GPHN: variants seen among roughly 807,000 people sequenced by gnomAD.
GPHN encodes gephyrin.
In GPHN, 17 loss-of-function variants were observed where a neutral mutation model predicts 95.5. The observed-to-expected ratio is 0.18, with a 90% confidence interval of 0.12 to 0.27. GPHN has a LOEUF of 0.27. Ranked by LOEUF, GPHN falls within the 10% of genes least tolerant of loss-of-function variation. GPHN has a pLI of 1.00. For synonymous variants in GPHN, 320 were observed against 322.5 expected, an observed-to-expected ratio of 0.99 and a Z score of 0.08; for missense variants, 660 against 978.1, an observed-to-expected ratio of 0.67 and a Z score of 4.34.
chr14:67,122,476 A>C, intron 17 of GPHN, 99 bp downstream of exon 17: 2 of 1,025,114 alleles, frequency 2.0e-6, no homozygotes, highest in Non-Finnish European at 3.0e-6. Context: ...CAGAAATTTA[A>C]TGTCATAATT....
intron 9 of GPHN, among the ~76,000 whole-genome samples, chr14:66,973,792 C>T (rs1326496467): frequency 6.6e-6 from 1 of 152,004 alleles, no homozygotes. Context: ...AAAGAAATAA[C>T]CTGGTTGTTG....
intron 12 of GPHN, 39 bp downstream of exon 12, chr14:67,089,114 T>C (rs1180224407): frequency 2.6e-6 from 2 of 764,228 alleles, no homozygotes; most frequent in Non-Finnish European, 4.3e-6. Context: ...TCAGGCACTG[T>C]ATTTTTTTTT....
At chr14:66,731,953 G>C (rs562826938) in intron 2 of GPHN, among the ~76,000 whole-genome samples, 50 of 152,334 alleles carry the variant, frequency 3.3e-4, no homozygotes, top group African/African-American at 1.1e-3. Context: ...GAGGGTGCAA[G>C]CCCCAAGCCT....
the GPHN span, among the ~76,000 whole-genome samples, chr14:67,702,687 A>G: frequency 8.5e-5 from 13 of 152,370 alleles, no homozygotes; most frequent in African/African-American, 2.4e-4. Context: ...TTACTAATTT[A>G]TGAGTGCTCA....
chr14:66,901,971 T>C (rs1175827322), intron 5 of GPHN, among the ~76,000 whole-genome samples: 2 of 152,154 alleles, frequency 1.3e-5, no homozygotes, highest in South Asian at 2.1e-4. Flanking sequence ...TTGGGTACTA[T>C]GGTCATTTTA....
At chr14:66,801,934 T>G (rs2060369488) in intron 3 of GPHN, among the ~76,000 whole-genome samples, 1 of 152,086 alleles carries the variant, frequency 6.6e-6, no homozygotes, top group Non-Finnish European at 1.5e-5. Context: ...CAACACTGGG[T>G]CTTGCTCAAG....
the GPHN span, among the ~76,000 whole-genome samples, chr14:67,480,260 C>T: frequency 6.6e-6 from 1 of 152,096 alleles, no homozygotes; most frequent in Non-Finnish European, 1.5e-5. Context: ...CCCTTCCTGT[C>T]AAGCAGGTTA....
the GPHN span, among the ~76,000 whole-genome samples, chr14:67,442,192 C>G: frequency 6.6e-6 from 1 of 152,040 alleles, no homozygotes; most frequent in Non-Finnish European, 1.5e-5. Context: ...AGTGCCTAAG[C>G]GCCATGAAAG....
At chr14:67,648,266 T>C in the GPHN span, 1 of 1,459,926 alleles carries the variant, frequency 6.8e-7, no homozygotes, top group Non-Finnish European at 9.3e-7. Context: ...TCTTTTCTGC[T>C]ATTCCACATC....
the GPHN span, among the ~76,000 whole-genome samples, chr14:67,371,645 A>G: frequency 6.6e-6 from 1 of 152,208 alleles, no homozygotes; most frequent in African/African-American, 2.4e-5. Context: ...GGTAGTTGTA[A>G]CACAATGGTA....
At chr14:67,644,417 G>C in the GPHN span, among the ~76,000 whole-genome samples, 1 of 152,128 alleles carries the variant, frequency 6.6e-6, no homozygotes, top group African/African-American at 2.4e-5. Flanking sequence ...CTAGTATTCT[G>C]ACTTAATCCA....
chr14:67,336,564 C>A, the GPHN span: 1 of 362,196 alleles, frequency 2.8e-6, no homozygotes. Context: ...TAATCTGGAT[C>A]CCTACTTCAA....
chr14:66,560,259 T>A (rs1239450805), intron 1 of GPHN, among the ~76,000 whole-genome samples: 2 of 152,214 alleles, frequency 1.3e-5, no homozygotes, highest in Admixed American at 6.5e-5. Flanking sequence ...TAAAGTAGTT[T>A]TTTCCAATTC....
At chr14:66,817,129 A>G (rs1040189769) in intron 3 of GPHN, among the ~76,000 whole-genome samples, 1 of 152,096 alleles carries the variant, frequency 6.6e-6, no homozygotes, top group Non-Finnish European at 1.5e-5. Context: ...TATTATGTTA[A>G]TATACTGATC....
intron 5 of GPHN, among the ~76,000 whole-genome samples, chr14:66,899,372 A>C (rs550283486): frequency 1.3e-5 from 2 of 151,984 alleles, no homozygotes; most frequent in African/African-American, 4.8e-5. Context: ...TCAATGTTTC[A>C]CTATTAAGTA....
At chr14:66,819,927 A>G (rs1455352819) in intron 3 of GPHN, among the ~76,000 whole-genome samples, 2 of 152,158 alleles carry the variant, frequency 1.3e-5, no homozygotes, top group African/African-American at 4.8e-5. Flanking sequence ...AATATATAGT[A>G]GCATTTATTT....
chr14:67,480,033 G>A, the GPHN span, among the ~76,000 whole-genome samples: 3 of 152,184 alleles, frequency 2.0e-5, no homozygotes, highest in African/African-American at 7.2e-5. Context: ...GTCCTTGTAG[G>A]TAAAGTGAGG....
chr14:67,695,690 A>G, the GPHN span: 41 of 1,614,066 alleles, frequency 2.5e-5, no homozygotes, highest in South Asian at 6.6e-5. Flanking sequence ...CAGCGGGAAC[A>G]TGAGCTCAAC....
At chr14:67,197,955 T>G in the GPHN span, among the ~76,000 whole-genome samples, 1 of 152,234 alleles carries the variant, frequency 6.6e-6, no homozygotes, top group Non-Finnish European at 1.5e-5. Flanking sequence ...GAGTGTAAGC[T>G]GAATGAGGGC....
Sources: allele counts gnomAD v4.1 joint callset (sites outside exome capture counted in the v4.1 genomes callset), GRCh38; gene constraint gnomAD v4.1.1; transcripts MANE v1.5; gene names NCBI Gene and HGNC (gene_info 2026-07-23, HGNC 2026-07-21).